AUTS2: variants seen among roughly 807,000 people sequenced by gnomAD.
AUTS2 encodes autism susceptibility gene 2 protein.
Under a neutral mutation model 112.4 loss-of-function variants are expected in AUTS2, and 17 were observed. That is an observed-to-expected ratio of 0.15 (90% CI 0.10 to 0.23). The LOEUF is 0.23. AUTS2 is among the 10% of genes least tolerant of loss of function. AUTS2 has a pLI of 1.00. For missense variants in AUTS2, 1,510 were observed against 1,701.6 expected, an observed-to-expected ratio of 0.89 and a Z score of 1.98; for synonymous variants, 751 against 702.7, an observed-to-expected ratio of 1.07 and a Z score of -1.09.
At chr7:70,751,784 G>A (rs937297964) in intron 6 of AUTS2, among the ~76,000 whole-genome samples, 18 of 151,994 alleles carry the variant, frequency 1.2e-4, no homozygotes, top group Admixed American at 9.2e-4. Context: ...GCAGTGGGAC[G>A]ATCTCGGCTC....
At chr7:70,562,518 A>G (rs552743105) in intron 5 of AUTS2, among the ~76,000 whole-genome samples, 1 of 152,310 alleles carries the variant, frequency 6.6e-6, no homozygotes, top group African/African-American at 2.4e-5. Flanking sequence ...GTGATCTTAG[A>G]ATCTCTGCTC....
intron 5 of AUTS2, among the ~76,000 whole-genome samples, chr7:70,686,613 T>G (rs1252884066): frequency 6.6e-6 from 1 of 152,110 alleles, no homozygotes; most frequent in East Asian, 1.9e-4. Flanking sequence ...CTCAGCTTAC[T>G]GCAACCTCCC....
chr7:70,146,901 GT>G (rs1807153873), intron 4 of AUTS2, among the ~76,000 whole-genome samples: 1 of 152,144 alleles, frequency 6.6e-6, no homozygotes. Context: ...GTTAAAGCCA[GT>G]GTGCAATTTT....
At chr7:70,373,894 CTT>C (rs997034988) in intron 4 of AUTS2, among the ~76,000 whole-genome samples, 2 of 148,178 alleles carry the variant, frequency 1.3e-5, no homozygotes, top group African/African-American at 4.9e-5. Flanking sequence ...TAGAAGTCAT[CTT>C]TTTTTTTTCA....
chr7:70,554,750 C>A (rs1563037702), intron 5 of AUTS2, among the ~76,000 whole-genome samples: 1 of 152,176 alleles, frequency 6.6e-6, no homozygotes, highest in Non-Finnish European at 1.5e-5. Flanking sequence ...AGGGGCTATA[C>A]AGGCTGAAAA....
intron 1 of AUTS2, among the ~76,000 whole-genome samples, chr7:69,891,597 AGT>A (rs1794521480): frequency 6.6e-6 from 1 of 151,630 alleles, no homozygotes; most frequent in Non-Finnish European, 1.5e-5. Context: ...TCTCACCAGT[AGT>A]GTATGTATGA....
intron 5 of AUTS2, among the ~76,000 whole-genome samples, chr7:70,520,546 C>T (rs879544492): frequency 3.3e-5 from 5 of 152,194 alleles, no homozygotes; most frequent in Admixed American, 6.5e-5. Flanking sequence ...ATCATGATCA[C>T]GCCTTAGATT....
chr7:70,668,553 T>A (rs1169327019), intron 5 of AUTS2, among the ~76,000 whole-genome samples: 2 of 152,202 alleles, frequency 1.3e-5, no homozygotes, highest in Non-Finnish European at 2.9e-5. Context: ...CTGGACCTCG[T>A]TTGTCATGTG....
intron 5 of AUTS2, among the ~76,000 whole-genome samples, chr7:70,496,171 A>T (rs1317499279): frequency 1.4e-5 from 1 of 71,208 alleles, no homozygotes; most frequent in Non-Finnish European, 3.0e-5. Context: ...GTACACAGTC[A>T]CACACACACA....
At chr7:70,597,766 G>A (rs1803277735) in intron 5 of AUTS2, among the ~76,000 whole-genome samples, 1 of 152,168 alleles carries the variant, frequency 6.6e-6, no homozygotes, top group Non-Finnish European at 1.5e-5. Flanking sequence ...TCCATAAGAA[G>A]CTCCAGCAGG....
At chr7:70,256,176 A>G (rs540203599) in intron 4 of AUTS2, among the ~76,000 whole-genome samples, 4 of 152,194 alleles carry the variant, frequency 2.6e-5, no homozygotes, top group Non-Finnish European at 5.9e-5. Flanking sequence ...GATTACCTTC[A>G]TGGGGCCATT....
chr7:69,980,905 C>T (rs755048444), intron 2 of AUTS2, among the ~76,000 whole-genome samples: 1 of 152,254 alleles, frequency 6.6e-6, no homozygotes, highest in East Asian at 1.9e-4. Flanking sequence ...TTGCATAAAT[C>T]ACATCTGTAA....
chr7:70,565,288 T>C (rs1801661388), intron 5 of AUTS2, among the ~76,000 whole-genome samples: 1 of 152,118 alleles, frequency 6.6e-6, no homozygotes, highest in African/African-American at 2.4e-5. Context: ...AGACTGGCCA[T>C]GAGTTGATAA....
At chr7:69,622,572 A>G (rs1289100882) in intron 1 of AUTS2, among the ~76,000 whole-genome samples, 1 of 152,294 alleles carries the variant, frequency 6.6e-6, no homozygotes, top group Admixed American at 6.5e-5. Flanking sequence ...AAATAGGGAA[A>G]GGCTCCTAGA....
chr7:69,881,303 A>G (rs1794033268), intron 1 of AUTS2, among the ~76,000 whole-genome samples: 2 of 151,492 alleles, frequency 1.3e-5, no homozygotes, highest in South Asian at 2.1e-4. Flanking sequence ...TCCCTGTTCC[A>G]TTAAGCCTTG....
intron 1 of AUTS2, among the ~76,000 whole-genome samples, chr7:69,656,626 A>T (rs1795553451): frequency 6.6e-6 from 1 of 152,178 alleles, no homozygotes; most frequent in African/African-American, 2.4e-5. Flanking sequence ...CTCCTCCCTG[A>T]CATTGAAGAG....
At chr7:70,579,786 T>A (rs2129526951) in intron 5 of AUTS2, among the ~76,000 whole-genome samples, 1 of 152,270 alleles carries the variant, frequency 6.6e-6, no homozygotes, top group Non-Finnish European at 1.5e-5. Context: ...TAGTGCCTCG[T>A]TTGTCACTTT....
chr7:69,727,547 G>C (rs1037600684), intron 1 of AUTS2, among the ~76,000 whole-genome samples: 11 of 152,096 alleles, frequency 7.2e-5, no homozygotes, highest in African/African-American at 2.7e-4. Flanking sequence ...CTGAGATCGC[G>C]CCACTGCACT....
In AUTS2 at chr7:70,739,344, CT is replaced by C. The variant is rs1185801587; in HGVS notation, c.743-23510del. ...ACCCCACTAATGTTGCCTTTTTTTC[CT>C]TTTTTTTTTTTTTTTGTAGAGATGA... On this transcript the variant is annotated intron_variant, in intron 6 of 18. Coordinates refer to ENST00000342771, the MANE Select transcript of AUTS2 (RefSeq NM_015570.4). 4.9e-3 allele frequency among the ~76,000 whole-genome samples: 660 copies of C among 135,022 alleles called. 2 individuals are homozygous for C. Among genetic ancestry groups the C allele is most frequent in the African/African-American group, 0.014 (486 of 35,966 alleles). 88.6% of individuals were successfully genotyped at this position (135,022 alleles called of 152,430 possible).
Sources: gnomAD v4.1 joint callset for allele counts (sites outside exome capture counted in the v4.1 genomes callset) on GRCh38, gnomAD v4.1.1 for gene constraint, MANE v1.5 for transcripts, NCBI Gene and HGNC (gene_info 2026-07-23, HGNC 2026-07-21) for gene names.